The following CBLN2 variants were observed in gnomAD, a reference collection of about 807,000 sequenced individuals.
The protein encoded by CBLN2 is cerebellin-2.
CBLN2 carries 7 observed loss-of-function variants against 15.0 expected under a neutral mutation model. That is an observed-to-expected ratio of 0.47 (90% CI 0.27 to 0.88). The LOEUF (loss-of-function observed/expected upper bound fraction) is 0.88. CBLN2 is among the 40% of genes least tolerant of loss of function. The pLI is 0.14. For missense variants in CBLN2, 242 were observed against 304.5 expected (o/e 0.79, Z 1.53); for synonymous variants, 149 against 135.2 (o/e 1.10, Z -0.71).
intron 1 of CBLN2, among the ~76,000 whole-genome samples, chr18:72,602,676 G>A (rs1053550921): frequency 6.6e-6 from 1 of 152,182 alleles, no homozygotes; most frequent in East Asian, 1.9e-4. Context: ...ATCTGGGTGG[G>A]GCTGATTCAT....
Position 72,538,255 on chromosome 18 carries a change from T to A in CBLN2, c.596A>T (p.His199Leu). ...LLLMEREDKV[H>L]LKLERGNLMG... is the part of the protein sequence containing the mutation. ...GAGGTTGCCTCTCTCAAGTTTGAGA[T>A]GCACTTTGTCTTCCCTTTCCATGAG... is the stretch of plus-strand genomic sequence containing the variant. The change falls in exon 5 of 5, where the codon CAT (histidine) becomes CTT (leucine). Residue 199 changes from histidine to leucine, a missense_variant. Physicochemically the swap from His to Leu is moderately conservative, Grantham distance 99. This residue lies in a region of CBLN2 where 31 missense variants were observed against 36.3 expected (regional missense o/e 0.86). Transcript: ENST00000269503. The A allele has an allele frequency of 1.2e-6, 2 of 1,614,162 alleles. No individual in the cohort carries two copies. The highest frequency in any genetic ancestry group is 8.5e-7 in the Non-Finnish European group (1 of 1,180,022).
In CBLN2 at chr18:72,543,475, G is replaced by A. The variant is rs2069133773; in HGVS notation, c.-167+11C>T. 7.5e-6 allele frequency: 3 copies of A among 398,798 alleles called. No homozygotes were observed. Among genetic ancestry groups the A allele is most frequent in the Non-Finnish European group, 8.8e-6 (2 of 226,318 alleles). The allele number at this position is 398,798 out of a possible 1,614,324, so 24.7% of individuals were successfully genotyped here. A position where few individuals can be genotyped will look rare whatever the true frequency, so the allele number is the denominator to read the frequency against. ...TGCATGCGGAGGGGAGGGCAGGTCG[G>A]GGGTGGTTACCTGGAACATCCATGC... On this transcript the variant is annotated intron_variant, in intron 2 of 4. Transcript: ENST00000269503. This position sits in a 1 kb window ranked among gnomAD's most constrained non-coding sequence, Gnocchi z 6.8.
At chr18:72,631,191 G>T (rs538597040) in intron 1 of CBLN2, 1 of 152,236 alleles carries the variant, frequency 6.6e-6, no homozygotes, top group Admixed American at 6.5e-5. Context: ...CTAGCAACGG[G>T]AACGTTCTAA....
At chr18:72,604,486 C>G (rs1435739220) in intron 1 of CBLN2, among the ~76,000 whole-genome samples, 1 of 152,186 alleles carries the variant, frequency 6.6e-6, no homozygotes, top group African/African-American at 2.4e-5. Flanking sequence ...AGGCAACACA[C>G]AATTTATGAA....
chr18:72,634,851 T>A (rs1160080942), intron 1 of CBLN2, among the ~76,000 whole-genome samples: 1 of 152,220 alleles, frequency 6.6e-6, no homozygotes, highest in Non-Finnish European at 1.5e-5. Context: ...TCTGCAAGCA[T>A]GTTTGCTTTT....
chr18:72,613,070 T>C (rs925896137), intron 1 of CBLN2, among the ~76,000 whole-genome samples: 1 of 152,168 alleles, frequency 6.6e-6, no homozygotes, highest in Non-Finnish European at 1.5e-5. Flanking sequence ...TGCCTTCTTC[T>C]CTTTGTCTGT....
At chr18:72,556,146 A>G (rs139530144) in intron 1 of CBLN2, among the ~76,000 whole-genome samples, 134 of 152,318 alleles carry the variant, frequency 8.8e-4, no homozygotes, top group African/African-American at 3.1e-3. Flanking sequence ...GAGTTGTTAA[A>G]TTGCAGCACA....
chr18:72,631,017 A>G (rs2069772663), intron 1 of CBLN2: 1 of 152,144 alleles, frequency 6.6e-6, no homozygotes, highest in Non-Finnish European at 1.5e-5. Flanking sequence ...TTACCTGTCT[A>G]ATAATAGGAT....
At chr18:72,547,272 T>A (rs1156519234), upstream of CBLN2, among the ~76,000 whole-genome samples, 2 of 152,108 alleles carry the variant, frequency 1.3e-5, no homozygotes, top group Non-Finnish European at 2.9e-5. Flanking sequence ...ACTGCATGTT[T>A]CCAGTTATGA....
At chr18:72,573,711 A>G (rs1339579060) in intron 1 of CBLN2, among the ~76,000 whole-genome samples, 1 of 152,170 alleles carries the variant, frequency 6.6e-6, no homozygotes, top group Non-Finnish European at 1.5e-5. Context: ...TATCTTGGTT[A>G]CCTTCAAGTT....
chr18:72,565,104 C>T (rs190147716), intron 1 of CBLN2, among the ~76,000 whole-genome samples: 1 of 152,226 alleles, frequency 6.6e-6, no homozygotes, highest in African/African-American at 2.4e-5. Flanking sequence ...AGGAATTCAT[C>T]AGCAAAGATC....
At chr18:72,586,276 A>G (rs1169426830) in intron 1 of CBLN2, among the ~76,000 whole-genome samples, 1 of 152,112 alleles carries the variant, frequency 6.6e-6, no homozygotes, top group African/African-American at 2.4e-5. Context: ...TCCTTTTCAC[A>G]TTATTCCTCC....
intron 1 of CBLN2, among the ~76,000 whole-genome samples, chr18:72,554,918 T>C (rs2069215042): frequency 6.6e-6 from 1 of 152,092 alleles, no homozygotes; most frequent in African/African-American, 2.4e-5. Flanking sequence ...GGCGGAACAC[T>C]TGAGATCAGG....
intron 1 of CBLN2, among the ~76,000 whole-genome samples, chr18:72,570,568 A>G (rs2069325563): frequency 6.6e-6 from 1 of 151,966 alleles, no homozygotes; most frequent in South Asian, 2.1e-4. Context: ...ATTGTAACTC[A>G]TGCCTGAATG....
intron 1 of CBLN2, among the ~76,000 whole-genome samples, chr18:72,613,553 A>G (rs2069638001): frequency 6.6e-6 from 1 of 152,148 alleles, no homozygotes; most frequent in South Asian, 2.1e-4. Flanking sequence ...TGGTGATACA[A>G]GCCTTGGTAC....
chr18:72,564,036 G>GT (rs1293622388), intron 1 of CBLN2, among the ~76,000 whole-genome samples: 1 of 152,096 alleles, frequency 6.6e-6, no homozygotes, highest in African/African-American at 2.4e-5. Flanking sequence ...ACTGTAAAAC[G>GT]TACCTGCAGG....
chr18:72,593,009 C>G (rs536113446), intron 1 of CBLN2, among the ~76,000 whole-genome samples: 1 of 151,970 alleles, frequency 6.6e-6, no homozygotes, highest in African/African-American at 2.4e-5. Flanking sequence ...TAGGATTTTT[C>G]CCCTATTTTC....
intron 1 of CBLN2, among the ~76,000 whole-genome samples, chr18:72,557,989 C>A (rs2069237230): frequency 6.6e-6 from 1 of 152,120 alleles, no homozygotes; most frequent in South Asian, 2.1e-4. Context: ...TGGGTTTTTC[C>A]AGCACAGAGT....
At chr18:72,576,273 G>T (rs1418244396) in intron 1 of CBLN2, among the ~76,000 whole-genome samples, 1 of 152,174 alleles carries the variant, frequency 6.6e-6, no homozygotes, top group African/African-American at 2.4e-5. Context: ...ATGTAGAAGA[G>T]TTATGAAGTA....
Sources: allele counts gnomAD v4.1 joint callset (sites outside exome capture counted in the v4.1 genomes callset), GRCh38; gene constraint gnomAD v4.1.1; regional missense constraint gnomAD v4.1.1; non-coding constraint Gnocchi (gnomAD v3.1); transcripts MANE v1.5; gene names NCBI Gene and HGNC (gene_info 2026-07-23, HGNC 2026-07-21).